The following PHACTR1 variants were observed in gnomAD, a reference collection of about 807,000 sequenced individuals.
PHACTR1 encodes phosphatase and actin regulator 1.
In PHACTR1, 16 loss-of-function variants were observed where a neutral mutation model predicts 69.2. The ratio of observed to expected loss-of-function variants is 0.23; its 90% confidence interval spans 0.16 to 0.35. PHACTR1 has a LOEUF of 0.35. Ranked by LOEUF, PHACTR1 falls within the 10% of genes least tolerant of loss-of-function variation. The pLI, the probability that PHACTR1 is intolerant of heterozygous loss-of-function variation, is 1.00. For synonymous variants in PHACTR1, 312 were observed against 284.5 expected (o/e 1.10, Z -0.97); for missense variants, 510 against 734.7 (o/e 0.69, Z 3.54).
chr6:13,224,298 A>G (rs149742144), intron 8 of PHACTR1, among the ~76,000 whole-genome samples: 368 of 152,360 alleles, frequency 2.4e-3, no homozygotes, highest in African/African-American at 8.2e-3. Context: ...CAGGCAAGGC[A>G]CTGACTGAGA....
intron 10 of PHACTR1, 157 bp from the exon 11 acceptor site, chr6:13,272,703 G>C: frequency 5.1e-6 from 8 of 1,573,796 alleles, no homozygotes; most frequent in Non-Finnish European, 6.9e-6. Context: ...TTGAGGAACT[G>C]AGGAGGCGGT....
intron 8 of PHACTR1, among the ~76,000 whole-genome samples, chr6:13,207,048 TACAC>T (rs139552506): frequency 3.3e-5 from 5 of 151,944 alleles, no homozygotes; most frequent in African/African-American, 4.8e-5. Flanking sequence ...CATACACATG[TACAC>T]ACACACACAT....
At chr6:12,967,081 T>TA (rs1793596502) in intron 4 of PHACTR1, among the ~76,000 whole-genome samples, 1 of 152,200 alleles carries the variant, frequency 6.6e-6, no homozygotes, top group Non-Finnish European at 1.5e-5. Context: ...ATTACAAAAT[T>TA]AAAAAATCCT....
chr6:13,278,779 A>G (rs1194919116), intron 12 of PHACTR1, among the ~76,000 whole-genome samples: 2 of 152,080 alleles, frequency 1.3e-5, no homozygotes, highest in Admixed American at 1.3e-4. Flanking sequence ...GCAACATGGT[A>G]AAATGCTGTC....
At chr6:12,968,216 C>T (rs528693426) in intron 4 of PHACTR1, among the ~76,000 whole-genome samples, 2 of 152,278 alleles carry the variant, frequency 1.3e-5, no homozygotes, top group East Asian at 3.9e-4. Context: ...AATGATGGTT[C>T]AGAGATAACT....
At chr6:12,938,699 T>A (rs1488389513) in intron 4 of PHACTR1, among the ~76,000 whole-genome samples, 4 of 152,172 alleles carry the variant, frequency 2.6e-5, no homozygotes, top group Admixed American at 6.5e-5. Context: ...CTCCTGCTTC[T>A]TTTTCATCCC....
chr6:12,788,019 G>A (rs1026605237), intron 4 of PHACTR1, among the ~76,000 whole-genome samples: 4 of 152,100 alleles, frequency 2.6e-5, no homozygotes, highest in Admixed American at 1.3e-4. Context: ...TCAGCCAGGC[G>A]TTGGAGCACT....
intron 4 of PHACTR1, among the ~76,000 whole-genome samples, chr6:12,915,926 C>T (rs904643079): frequency 2.0e-5 from 3 of 152,140 alleles, no homozygotes; most frequent in African/African-American, 7.2e-5. Context: ...TACTAGGTAG[C>T]TTCCTAAAAT....
chr6:12,889,806 T>TTG (rs1420194899), intron 4 of PHACTR1, among the ~76,000 whole-genome samples: 1 of 150,682 alleles, frequency 6.6e-6, no homozygotes, highest in Admixed American at 6.6e-5. Context: ...CCTTTTTTTT[T>TTG]TTTTTTTTAA....
chr6:12,814,353 C>T (rs1351884106), intron 4 of PHACTR1, among the ~76,000 whole-genome samples: 2 of 152,218 alleles, frequency 1.3e-5, no homozygotes, highest in Admixed American at 6.5e-5. Flanking sequence ...TCTTCATTAG[C>T]TTGTGGCAAG....
At chr6:13,284,567 T>TATAG (rs1554187845) in intron 13 of PHACTR1, among the ~76,000 whole-genome samples, 2 of 108,328 alleles carry the variant, frequency 1.8e-5, no homozygotes, top group Non-Finnish European at 3.4e-5. Context: ...TATATATATA[T>TATAG]ATAGATACAC....
chr6:12,911,734 T>A (rs1036843137), intron 4 of PHACTR1, among the ~76,000 whole-genome samples: 3 of 152,206 alleles, frequency 2.0e-5, no homozygotes, highest in African/African-American at 2.4e-5. Context: ...AGTTTTGCTA[T>A]CTTTCAGGGG....
At chr6:13,240,494 G>C (rs1772675239) in intron 10 of PHACTR1, among the ~76,000 whole-genome samples, 1 of 152,014 alleles carries the variant, frequency 6.6e-6, no homozygotes, top group Non-Finnish European at 1.5e-5. Context: ...GCCCAGGCTG[G>C]AGTGCAGTGG....
intron 5 of PHACTR1, among the ~76,000 whole-genome samples, chr6:13,133,244 T>G (rs1583504764): frequency 3.7e-5 from 1 of 27,186 alleles, no homozygotes; most frequent in Non-Finnish European, 6.1e-5. Context: ...TCCCTCTCCC[T>G]TTCCCTCTCC....
At position 13,193,949 on chromosome 6, in the gene PHACTR1, G is replaced by C. The variant is rs555582501; in HGVS notation, c.664+11263G>C. Among the ~76,000 whole-genome samples the C allele has an allele frequency of 2.6e-5, 4 of 151,968 alleles. No individual in the cohort carries two copies. The South Asian group carries it at 8.3e-4, about 32-fold the overall frequency. On this transcript the variant is annotated intron_variant, in intron 7 of 14. Coordinates refer to ENST00000332995, the MANE Select transcript of PHACTR1 (RefSeq NM_030948.6). ...CAATTGAAGGGCATTCTTCTCTTCC[G>C]GTCTCCCTAGGAGCAGCAGCACCAG...
intron 4 of PHACTR1, among the ~76,000 whole-genome samples, chr6:12,812,587 A>G (rs1000472224): frequency 5.9e-5 from 9 of 152,200 alleles, no homozygotes; most frequent in African/African-American, 1.9e-4. Flanking sequence ...TCTACACTAC[A>G]CTGAATTGTC....
intron 10 of PHACTR1, among the ~76,000 whole-genome samples, chr6:13,271,231 C>G (rs1777641352): frequency 6.6e-6 from 1 of 152,076 alleles, no homozygotes; most frequent in Non-Finnish European, 1.5e-5. Flanking sequence ...ATGACCAGAT[C>G]TTGCAAGAAC....
chr6:12,899,904 C>T (rs961340637), intron 4 of PHACTR1, among the ~76,000 whole-genome samples: 8 of 152,176 alleles, frequency 5.3e-5, no homozygotes, highest in Admixed American at 3.9e-4. Context: ...GGATGGGCTC[C>T]ATGGTGGTCA....
intron 3 of PHACTR1, among the ~76,000 whole-genome samples, chr6:12,725,846 G>A (rs1158968571): frequency 2.6e-5 from 4 of 151,970 alleles, no homozygotes; most frequent in Non-Finnish European, 5.9e-5. Flanking sequence ...GATGGGGTGA[G>A]AATGCTTAAA....
Sources: allele counts gnomAD v4.1 joint callset (sites outside exome capture counted in the v4.1 genomes callset), GRCh38; gene constraint gnomAD v4.1.1; transcripts MANE v1.5; gene names NCBI Gene and HGNC (gene_info 2026-07-23, HGNC 2026-07-21).